The following KANK1 variants were observed in gnomAD, a reference collection of about 807,000 sequenced individuals.
The protein encoded by KANK1 is KN motif and ankyrin repeat domains 1.
KANK1 carries 109 observed loss-of-function variants against 106.2 expected under a neutral mutation model. The ratio of observed to expected loss-of-function variants is 1.03; its 90% confidence interval spans 0.88 to 1.20. KANK1 has a LOEUF of 1.20. KANK1 is among the 50% of genes most tolerant of loss of function. The probability of loss-of-function intolerance (pLI) is 0.00; values close to 1 mark genes in which losing one functional copy is unlikely to be tolerated. For missense variants in KANK1, 2,399 were observed against 1,710.7 expected (o/e 1.40, Z -7.10); for synonymous variants, 873 against 652.2 (o/e 1.34, Z -5.16).
chr9:473,610 T>C lies in KANK1; in HGVS notation c.-362+337T>C, dbSNP rs139404960. ...GTTAGCTATGGGTATTCACCACTTATTTTAGTGTATATCATCCCCCAACAA... is the reference window on the plus strand; with the variant it reads ...GTTAGCTATGGGTATTCACCACTTACTTTAGTGTATATCATCCCCCAACAA... On this transcript the variant is annotated intron_variant, in intron 3 of 15. Transcript: ENST00000382303. Among the ~76,000 whole-genome samples, 458 of 152,328 alleles carry C rather than the reference T, an allele frequency of 3.0e-3. 3 individuals are homozygous for C. In the South Asian group the frequency reaches 0.036, roughly 12 times the overall value.
chr9:712,646 C>G lies in KANK1; in HGVS notation c.1880C>G (p.Ser627Cys). 6.2e-7 allele frequency: 1 copy of G among 1,614,160 alleles called. No individual in the cohort carries two copies. Among genetic ancestry groups the G allele is most frequent in the Non-Finnish European group, 8.5e-7 (1 of 1,180,036 alleles). Residue 627 changes from serine to cysteine, a missense_variant, in exon 3 of 12, where the codon TCT becomes TGT. Transcript: ENST00000382297. ...AACTTGAATCTCAAAGAAGTGCGGT[C>G]TATCGGTTGTGGAGATTGTTCTGTT... ...KTNLNLKEVR[S>C]IGCGDCSVDV...
chr9:475,804 C>T (rs961142251), intron 3 of KANK1, among the ~76,000 whole-genome samples: 12 of 152,106 alleles, frequency 7.9e-5, no homozygotes, highest in South Asian at 2.1e-4. Context: ...TTCTTCCAGG[C>T]GCTCCCATCT....
chr9:628,907 C>T (rs1468114586), intron 1 of KANK1, among the ~76,000 whole-genome samples: 1 of 150,748 alleles, frequency 6.6e-6, no homozygotes, highest in Non-Finnish European at 1.5e-5. Context: ...GGCGAAACCC[C>T]ATCTCTACTA....
At chr9:690,730 A>G (rs1018622594) in intron 2 of KANK1, among the ~76,000 whole-genome samples, 8 of 152,104 alleles carry the variant, frequency 5.3e-5, no homozygotes, top group African/African-American at 9.7e-5. Context: ...TCTCTGGGGG[A>G]AAAGTGTTGC....
chr9:719,231 T>C (rs910507464), intron 3 of KANK1, among the ~76,000 whole-genome samples: 1 of 152,172 alleles, frequency 6.6e-6, no homozygotes, highest in Non-Finnish European at 1.5e-5. Context: ...CCTCCCAAAG[T>C]GCTGGGATTA....
intron 2 of KANK1, chr9:706,951 A>G: frequency 1.0e-6 from 1 of 985,494 alleles, no homozygotes; most frequent in Non-Finnish European, 1.2e-6. Flanking sequence ...ATCAGCTGGC[A>G]AAGCGGGAGT....
At chr9:633,112 A>C (rs1005795544) in intron 1 of KANK1, among the ~76,000 whole-genome samples, 1 of 152,110 alleles carries the variant, frequency 6.6e-6, no homozygotes, top group African/African-American at 2.4e-5. Flanking sequence ...ACTCACTTTT[A>C]GTGCCCCATA....
intron 1 of KANK1, among the ~76,000 whole-genome samples, chr9:618,849 G>T (rs1480312070): frequency 1.3e-5 from 2 of 152,138 alleles, no homozygotes; most frequent in South Asian, 4.1e-4. Flanking sequence ...CTGTCTTGAG[G>T]CAAAATTGTC....
intron 1 of KANK1, among the ~76,000 whole-genome samples, chr9:531,958 A>G (rs1223723949): frequency 6.6e-6 from 1 of 152,224 alleles, no homozygotes. Context: ...CCTGGCCTCC[A>G]AGCAGCATGC....
Position 479,252 on chromosome 9 carries a change from A to G in KANK1, c.-362+5979A>G, listed in dbSNP as rs192921069. 1.6e-3 allele frequency among the ~76,000 whole-genome samples: 249 copies of G among 152,216 alleles called. 2 individuals are homozygous for G. The highest frequency in any genetic ancestry group is 5.2e-3 in the African/African-American group (214 of 41,528). ...ACAGACGCATAAGCTATTAGTCAAA[A>G]CTCTTGTCATTGCAAGTATCATAAA... is the stretch of plus-strand genomic sequence containing the variant. On this transcript the variant is annotated intron_variant, in intron 3 of 15. Transcript: ENST00000382303.
At chr9:490,767 C>T (rs371564224) in intron 3 of KANK1, among the ~76,000 whole-genome samples, 1 of 152,068 alleles carries the variant, frequency 6.6e-6, no homozygotes. Context: ...ATATTATATA[C>T]CAGACAGTGT....
chr9:579,230 C>A (rs918247489), intron 1 of KANK1, among the ~76,000 whole-genome samples: 1 of 152,026 alleles, frequency 6.6e-6, no homozygotes. Flanking sequence ...TTCCCTCTGC[C>A]CCCAGTGTGG....
chr9:601,843 A>C (rs1361344613), intron 1 of KANK1, among the ~76,000 whole-genome samples: 1 of 151,796 alleles, frequency 6.6e-6, no homozygotes, highest in Non-Finnish European at 1.5e-5. Flanking sequence ...TTTTGGAATC[A>C]GTCACTTCCC....
chr9:730,900 C>G (rs1006295354), intron 4 of KANK1: 8 of 287,206 alleles, frequency 2.8e-5, no homozygotes, highest in African/African-American at 1.8e-4. Context: ...AAGCCGGATA[C>G]AAATGTCAGT....
At chr9:708,380 C>G (rs1824903656) in intron 2 of KANK1, among the ~76,000 whole-genome samples, 1 of 152,232 alleles carries the variant, frequency 6.6e-6, no homozygotes, top group African/African-American at 2.4e-5. Flanking sequence ...TCTTTTAACA[C>G]GAGCACAAGT....
chr9:571,439 A>G (rs1819137748), intron 1 of KANK1, among the ~76,000 whole-genome samples: 1 of 152,236 alleles, frequency 6.6e-6, no homozygotes, highest in Non-Finnish European at 1.5e-5. Flanking sequence ...ATAATAAAAT[A>G]AAAAGCCTTA....
intron 1 of KANK1, among the ~76,000 whole-genome samples, chr9:524,236 A>G (rs937681230): frequency 6.6e-6 from 1 of 151,766 alleles, no homozygotes; most frequent in Non-Finnish European, 1.5e-5. Flanking sequence ...GTGAAGTAAT[A>G]CAACCCTTCC....
rs552831928 is a variant in KANK1 at position 479,309 on chromosome 9, A to G, written c.-362+6036A>G. 8.5e-5 allele frequency among the ~76,000 whole-genome samples: 13 copies of G among 152,342 alleles called. No individual in the cohort carries two copies. The South Asian group carries it at 2.7e-3, about 32-fold the overall frequency. ...TCCAACTCAACTGAAGAAAATGGGT[A>G]TTTAATGGAAGAACACTGGAGTTGC... On this transcript the variant is annotated intron_variant, in intron 3 of 15. Transcript: ENST00000382303.
chr9:574,852 CT>C (rs1389250119), intron 1 of KANK1, among the ~76,000 whole-genome samples: 1 of 120,062 alleles, frequency 8.3e-6, no homozygotes, highest in African/African-American at 4.2e-5. Flanking sequence ...GAGACTCCGT[CT>C]CAAAAAAAAA....
Sources: allele counts gnomAD v4.1 joint callset (sites outside exome capture counted in the v4.1 genomes callset), GRCh38; gene constraint gnomAD v4.1.1; transcripts MANE v1.5; gene names NCBI Gene and HGNC (gene_info 2026-07-23, HGNC 2026-07-21).